Variants in UBE3D observed in about 807,000 individuals in gnomAD.
UBE3D encodes E3 ubiquitin-protein ligase E3D.
In UBE3D, 48 loss-of-function variants were observed where a neutral mutation model predicts 49.6. The ratio of observed to expected loss-of-function variants is 0.97; its 90% CI spans 0.77 to 1.23. The LOEUF (loss-of-function observed/expected upper bound fraction) is 1.23, where lower values mean the gene tolerates loss of function less well. Among genes scored for constraint, UBE3D ranks in the 50% most tolerant of loss-of-function variants. The probability of loss-of-function intolerance (pLI) is 0.00; values close to 1 mark genes in which losing one functional copy is unlikely to be tolerated. For synonymous variants in UBE3D, 189 were observed against 174.2 expected (o/e 1.08, Z -0.67); for missense variants, 452 against 468.4 (o/e 0.96, Z 0.32).
chr6:82,917,068 T>A (rs1372163865), intron 9 of UBE3D, among the ~76,000 whole-genome samples: 1 of 152,146 alleles, frequency 6.6e-6, no homozygotes, highest in Non-Finnish European at 1.5e-5. Context: ...TTTATCCTCC[T>A]TTTCTAAAGA....
In UBE3D at chr6:82,948,476, A is replaced by G. The variant is rs554307095; in HGVS notation, c.1149+8836T>C. 9.0e-4 allele frequency among the ~76,000 whole-genome samples: 137 copies of G among 152,194 alleles called. 1 individual carries two copies. Among genetic ancestry groups the G allele is most frequent in the African/African-American group, 3.2e-3 (132 of 41,574 alleles). On this transcript the variant is annotated intron_variant, in intron 9 of 9. Transcript: ENST00000369747. Reference sequence around the variant, plus strand: ...ACCACTTCTACTCAAACTATTCTGGAAAATAGAGAATGGAATACCTCCAAA... The same window carrying G: ...ACCACTTCTACTCAAACTATTCTGGGAAATAGAGAATGGAATACCTCCAAA...
intron 5 of UBE3D, among the ~76,000 whole-genome samples, chr6:83,029,795 T>C (rs1250007778): frequency 2.0e-5 from 3 of 152,194 alleles, no homozygotes; most frequent in African/African-American, 4.8e-5. Flanking sequence ...CTCCCCACAG[T>C]ATGTAGCCAC....
chr6:82,946,646 T>G (rs1775423721), intron 9 of UBE3D, among the ~76,000 whole-genome samples: 1 of 152,078 alleles, frequency 6.6e-6, no homozygotes, highest in African/African-American at 2.4e-5. Flanking sequence ...TGTAAACTAC[T>G]CTTAAGTAGA....
At chr6:82,999,300 CT>C (rs1468035603) in intron 8 of UBE3D, among the ~76,000 whole-genome samples, 3 of 152,180 alleles carry the variant, frequency 2.0e-5, no homozygotes, top group Non-Finnish European at 4.4e-5. Flanking sequence ...GATACCAGAC[CT>C]TTCCATCTTG....
intron 8 of UBE3D, among the ~76,000 whole-genome samples, chr6:83,001,107 G>T (rs564283414): frequency 1.7e-4 from 26 of 152,304 alleles, no homozygotes; most frequent in African/African-American, 6.0e-4. Flanking sequence ...GCTTCCCAAA[G>T]TGCTGGAATT....
rs575727760 is a variant in UBE3D, at chr6:82,967,764, C to A, written c.1011-10314G>T. Among the ~76,000 whole-genome samples the A allele has an allele frequency of 3.9e-5, 6 of 151,978 alleles. No homozygotes were observed. The South Asian group carries it at 1.2e-3, about 32-fold the overall frequency. The stretch of plus-strand genomic sequence containing the variant: ...TCAAGTGATCCTCCCACCTTAACCT[C>A]CTGAGAAGCTGATTCTAGAGGTGTG... On this transcript the variant is annotated intron_variant, in intron 8 of 9. Coordinates refer to ENST00000369747, the MANE Select transcript of UBE3D (RefSeq NM_198920.3).
chr6:83,045,690 C>T (rs1476064116), intron 3 of UBE3D, among the ~76,000 whole-genome samples: 3 of 152,116 alleles, frequency 2.0e-5, no homozygotes, highest in Non-Finnish European at 2.9e-5. Flanking sequence ...AGAAAACTTA[C>T]AAAGGTAGTG....
At chr6:82,895,911 T>C (rs1771282905) in intron 9 of UBE3D, among the ~76,000 whole-genome samples, 1 of 152,312 alleles carries the variant, frequency 6.6e-6, no homozygotes. Flanking sequence ...GAACTCAAGA[T>C]GAGGAACAAC....
chr6:83,022,633 TAC>T, intron 6 of UBE3D, 72 bp from the exon 7 acceptor site: 1 of 1,077,346 alleles, frequency 9.3e-7, no homozygotes, highest in Non-Finnish European at 1.3e-6. Flanking sequence ...AAGCAAAAAA[TAC>T]ACACACGGTA....
At chr6:83,029,096 T>C (rs1222264194) in intron 5 of UBE3D, among the ~76,000 whole-genome samples, 1 of 152,224 alleles carries the variant, frequency 6.6e-6, no homozygotes, top group African/African-American at 2.4e-5. Flanking sequence ...AGTGTTTTTG[T>C]GTTTATCCTA....
chr6:82,935,318 C>T (rs1029845524), intron 9 of UBE3D, among the ~76,000 whole-genome samples: 1 of 152,030 alleles, frequency 6.6e-6, no homozygotes. Context: ...AAGGAGCTAG[C>T]CCATGCCATT....
chr6:83,035,219 C>T (rs181771665), intron 5 of UBE3D, among the ~76,000 whole-genome samples: 105 of 152,058 alleles, frequency 6.9e-4, no homozygotes, highest in African/African-American at 2.5e-3. Flanking sequence ...ATCTTCTTTC[C>T]CATTTGCTTC....
chr6:83,049,796 T>C (rs112014284), intron 3 of UBE3D: 147 of 471,064 alleles, frequency 3.1e-4, no homozygotes, highest in African/African-American at 2.6e-3. Flanking sequence ...GGCTTGAGTT[T>C]GAAAGTTTGG....
chr6:82,915,717 C>T (rs980634888), intron 9 of UBE3D, among the ~76,000 whole-genome samples: 2 of 152,160 alleles, frequency 1.3e-5, no homozygotes, highest in Non-Finnish European at 2.9e-5. Context: ...CAGTAATGTT[C>T]CAGGTGTTGC....
At chr6:82,971,241 A>C (rs1294421072) in intron 8 of UBE3D, among the ~76,000 whole-genome samples, 2 of 152,154 alleles carry the variant, frequency 1.3e-5, no homozygotes, top group Non-Finnish European at 2.9e-5. Context: ...TTCAGAAATA[A>C]GGTCTTTTGG....
At chr6:83,046,999 C>A (rs920255998) in intron 3 of UBE3D, among the ~76,000 whole-genome samples, 1 of 152,178 alleles carries the variant, frequency 6.6e-6, no homozygotes, top group Non-Finnish European at 1.5e-5. Context: ...ATATGTTTAC[C>A]TTGCCACTGT....
chr6:82,988,621 G>C (rs1778683599), intron 8 of UBE3D, among the ~76,000 whole-genome samples: 1 of 152,192 alleles, frequency 6.6e-6, no homozygotes, highest in Non-Finnish European at 1.5e-5. Context: ...TCAGGCTTCA[G>C]ATAGAGCATG....
At chr6:82,918,293 A>C (rs532031689) in intron 9 of UBE3D, among the ~76,000 whole-genome samples, 32 of 152,024 alleles carry the variant, frequency 2.1e-4, no homozygotes, top group Admixed American at 1.6e-3. Flanking sequence ...ACAACAACAA[A>C]AAAAAAACAA....
chr6:82,975,055 T>C (rs1410499331), intron 8 of UBE3D, among the ~76,000 whole-genome samples: 1 of 152,150 alleles, frequency 6.6e-6, no homozygotes, highest in Non-Finnish European at 1.5e-5. Context: ...TTGATAATGA[T>C]ATCTAAAATA....
Sources: allele counts gnomAD v4.1 joint callset (sites outside exome capture counted in the v4.1 genomes callset), GRCh38; gene constraint gnomAD v4.1.1; transcripts MANE v1.5; gene names NCBI Gene and HGNC (gene_info 2026-07-23, HGNC 2026-07-21).